The following FAM171A1 variants were observed in gnomAD, a reference collection of about 807,000 sequenced individuals.
The protein encoded by FAM171A1 is family with sequence similarity 171 member A1.
In FAM171A1, 23 loss-of-function variants were observed where a neutral mutation model predicts 74.9. The observed-to-expected ratio is 0.31, with a 90% CI of 0.22 to 0.44. The LOEUF (loss-of-function observed/expected upper bound fraction) is 0.44. FAM171A1 is among the 20% of genes least tolerant of loss of function. The pLI, the probability that FAM171A1 is intolerant of heterozygous loss-of-function variation, is 1.00. For missense variants in FAM171A1, 1,162 were observed against 1,159.2 expected (o/e 1.00, Z -0.03); for synonymous variants, 527 against 505.7 (o/e 1.04, Z -0.57).
chr10:15,350,722 T>A (rs1835867887), intron 1 of FAM171A1, among the ~76,000 whole-genome samples: 1 of 151,396 alleles, frequency 6.6e-6, no homozygotes, highest in South Asian at 2.1e-4. Context: ...CACTGCAACA[T>A]CTGCCTCCCA....
At chr10:15,306,157 A>G (rs1035420174) in intron 1 of FAM171A1, among the ~76,000 whole-genome samples, 1 of 152,240 alleles carries the variant, frequency 6.6e-6, no homozygotes, top group African/African-American at 2.4e-5. Flanking sequence ...CTTCACATTC[A>G]GATGTGCATT....
At chr10:15,234,719 C>G (rs1007717586) in intron 5 of FAM171A1, among the ~76,000 whole-genome samples, 4 of 151,650 alleles carry the variant, frequency 2.6e-5, no homozygotes, top group Middle Eastern at 3.4e-3. Flanking sequence ...GTGGCGCGAT[C>G]TTGGCTCACT....
intron 5 of FAM171A1, among the ~76,000 whole-genome samples, chr10:15,248,423 A>C (rs1834461647): frequency 6.6e-6 from 1 of 152,208 alleles, no homozygotes; most frequent in African/African-American, 2.4e-5. Flanking sequence ...TGCAAAACAA[A>C]AACAAATATG....
intron 2 of FAM171A1, among the ~76,000 whole-genome samples, chr10:15,278,648 C>T (rs940761719): frequency 5.9e-5 from 9 of 152,074 alleles, no homozygotes; most frequent in Non-Finnish European, 1.3e-4. Context: ...AGACGCCAGA[C>T]ACAAAAAGCC....
At chr10:15,360,040 T>C (rs1303826221) in intron 1 of FAM171A1, among the ~76,000 whole-genome samples, 1 of 152,174 alleles carries the variant, frequency 6.6e-6, no homozygotes, top group Non-Finnish European at 1.5e-5. Context: ...GCTCAAGCGA[T>C]CCTTCCACCT....
At chr10:15,316,888 A>G (rs1300730059) in intron 1 of FAM171A1, among the ~76,000 whole-genome samples, 1 of 152,086 alleles carries the variant, frequency 6.6e-6, no homozygotes, top group Admixed American at 6.6e-5. Context: ...TCCAAGACAG[A>G]CTCACGCATT....
chr10:15,272,483 C>T (rs1011882315), intron 3 of FAM171A1, among the ~76,000 whole-genome samples: 12 of 152,214 alleles, frequency 7.9e-5, no homozygotes, highest in South Asian at 2.1e-4. Flanking sequence ...GACAGATCAA[C>T]GAGACAGAAA....
Position 15,340,017 on chromosome 10 carries a change from T to C in FAM171A1, c.97+30939A>G, listed in dbSNP as rs995862613. On this transcript the variant is annotated intron_variant, in intron 1 of 7. Transcript: ENST00000378116. ...GGGAAAAGCCCCCATCATTCAATTA[T>C]CTCCCACTGGGTCCCTCCCACAACA... Among the ~76,000 whole-genome samples the C allele has an allele frequency of 3.3e-5, 5 of 152,094 alleles. No homozygotes were observed. The East Asian group carries it at 5.8e-4, about 18-fold the overall frequency.
chr10:15,343,188 C>T (rs551183112), intron 1 of FAM171A1, among the ~76,000 whole-genome samples: 39 of 152,246 alleles, frequency 2.6e-4, no homozygotes, highest in African/African-American at 8.7e-4. Flanking sequence ...ACAGCAAGAC[C>T]CCATCACTTA....
chr10:15,275,052 T>G (rs138706416), intron 3 of FAM171A1, among the ~76,000 whole-genome samples: 158 of 151,874 alleles, frequency 1.0e-3, no homozygotes, highest in African/African-American at 3.7e-3. Context: ...AAATGAACAA[T>G]GAGAACATTT....
chr10:15,368,406 C>T (rs139627160), intron 1 of FAM171A1, among the ~76,000 whole-genome samples: 3 of 152,276 alleles, frequency 2.0e-5, no homozygotes, highest in East Asian at 1.9e-4. Flanking sequence ...ATATGATTTC[C>T]GTCTGTTTGA....
Position 15,337,476 on chromosome 10 carries a change from G to A in FAM171A1, c.97+33480C>T, listed in dbSNP as rs900826697. Among the ~76,000 whole-genome samples, 12 of 150,468 alleles carry A rather than the reference G, an allele frequency of 8.0e-5. No individual in the cohort carries two copies. The East Asian group carries it at 1.2e-3, about 15-fold the overall frequency. ...GTAGGGGCCGGGTGCGGTGGCTCCC[G>A]CCTGTAATCCCAGCACTTTAATAAG... On this transcript the variant is annotated intron_variant, in intron 1 of 7. Transcript: ENST00000378116.
At chr10:15,233,051 T>C (rs142564336) in intron 5 of FAM171A1, among the ~76,000 whole-genome samples, 11 of 152,298 alleles carry the variant, frequency 7.2e-5, no homozygotes, top group Non-Finnish European at 1.2e-4. Context: ...TCCCAGCACT[T>C]TGGGAGGCTG....
At chr10:15,289,331 G>T (rs1012671121) in intron 1 of FAM171A1, among the ~76,000 whole-genome samples, 1 of 152,064 alleles carries the variant, frequency 6.6e-6, no homozygotes, top group African/African-American at 2.4e-5. Context: ...ATGCCCTAGG[G>T]TGCACTCTTT....
chr10:15,318,289 G>T (rs1051530743), intron 1 of FAM171A1, among the ~76,000 whole-genome samples: 12 of 152,208 alleles, frequency 7.9e-5, no homozygotes, highest in Non-Finnish European at 1.6e-4. Context: ...TGAATCCGGA[G>T]AAAGAGATTC....
At chr10:15,370,651 C>T (rs1303626151) in intron 1 of FAM171A1, among the ~76,000 whole-genome samples, 1 of 151,416 alleles carries the variant, frequency 6.6e-6, no homozygotes, top group Non-Finnish European at 1.5e-5. Flanking sequence ...AAGGGGACCC[C>T]CGGGCGCATC....
At position 15,212,923 on chromosome 10, in the gene FAM171A1, T is replaced by C. The variant is rs1833909550; in HGVS notation, c.2665A>G (p.Ile889Val). The change falls in exon 8 of 8, where the codon ATT (isoleucine) becomes GTT (valine). Residue 889 changes from isoleucine to valine, a missense_variant. Transcript: ENST00000378116. ...GGTGGGTCTGCGATAGCTCATTTAA[T>C]GTTAAACGCCATCAGGGGCCTCTCC... ...REERPLMAFNIK is the reference protein window; with the variant it reads ...REERPLMAFNVK 1 of 1,613,954 alleles carries C rather than the reference T, an allele frequency of 6.2e-7. No individual in the cohort carries two copies. Among genetic ancestry groups the C allele is most frequent in the South Asian group, 1.1e-5 (1 of 91,038 alleles).
chr10:15,223,445 G>A (rs945873445), intron 5 of FAM171A1, among the ~76,000 whole-genome samples: 14 of 152,350 alleles, frequency 9.2e-5, no homozygotes, highest in Non-Finnish European at 2.1e-4. Context: ...TCAAACAGCA[G>A]ATTCTGGGTT....
At chr10:15,266,580 G>A (rs532463724) in intron 3 of FAM171A1, among the ~76,000 whole-genome samples, 14 of 152,210 alleles carry the variant, frequency 9.2e-5, no homozygotes, top group South Asian at 4.2e-4. Flanking sequence ...CAGAAGGGAG[G>A]TGAGGCCAGG....
Sources: gnomAD v4.1 joint callset for allele counts (sites outside exome capture counted in the v4.1 genomes callset) on GRCh38, gnomAD v4.1.1 for gene constraint, MANE v1.5 for transcripts, NCBI Gene and HGNC (gene_info 2026-07-23, HGNC 2026-07-21) for gene names.